Variants in RAB4A observed in about 807,000 individuals in gnomAD.
RAB4A encodes RAB4A, member RAS oncogene family.
RAB4A carries 20 observed loss-of-function variants against 34.5 expected under a neutral mutation model. That is an observed-to-expected ratio of 0.58 (90% CI 0.41 to 0.84). The LOEUF (loss-of-function observed/expected upper bound fraction) is 0.84. Ranked by LOEUF, RAB4A falls within the 40% of genes least tolerant of loss-of-function variation. The pLI is 0.00. For synonymous variants in RAB4A, 102 were observed against 100.0 expected (o/e 1.02, Z -0.12); for missense variants, 228 against 274.5 (o/e 0.83, Z 1.20).
chr1:229,281,113 C>G (rs987183727), intron 1 of RAB4A, among the ~76,000 whole-genome samples: 1 of 152,072 alleles, frequency 6.6e-6, no homozygotes, highest in Non-Finnish European at 1.5e-5. Context: ...TTATATGACT[C>G]AAAGTCTTCA....
intron 1 of RAB4A, among the ~76,000 whole-genome samples, chr1:229,280,255 A>G (rs891404179): frequency 3.3e-5 from 5 of 152,250 alleles, no homozygotes; most frequent in Non-Finnish European, 2.9e-5. Flanking sequence ...CTGAGAGAAC[A>G]TGATGCATTC....
At position 229,274,439 on chromosome 1, in the gene RAB4A, T is replaced by C. The variant is rs77855030; in HGVS notation, c.31+3069T>C. Among the ~76,000 whole-genome samples, 272 of 152,322 alleles carry C rather than the reference T, an allele frequency of 1.8e-3. 8 individuals carry two copies. The East Asian group carries it at 0.043, about 24-fold the overall frequency. On this transcript the variant is annotated intron_variant, in intron 1 of 7. Coordinates refer to ENST00000366690, the MANE Select transcript of RAB4A (RefSeq NM_004578.4). ...GCTTTTTAACATATTAAAACAGTAT[T>C]TCACCTTCCATAGACTGAGTAGTGT...
Position 229,276,737 on chromosome 1 carries a change from A to C in RAB4A, c.31+5367A>C, listed in dbSNP as rs190363833. Among the ~76,000 whole-genome samples, 48 of 151,498 alleles carry C rather than the reference A, an allele frequency of 3.2e-4. 3 individuals carry two copies. The highest frequency in any genetic ancestry group is 2.9e-3 in the East Asian group (15 of 5,182). On this transcript the variant is annotated intron_variant, in intron 1 of 7. Coordinates refer to ENST00000366690, the MANE Select transcript of RAB4A (RefSeq NM_004578.4). The stretch of plus-strand genomic sequence containing the variant: ...GGTTTAAGTTACTGTTTACCCTGAA[A>C]GATGCAAAGGAAAGTTAAATTAGGG...
chr1:229,281,268 G>A (rs2102838068), intron 1 of RAB4A, among the ~76,000 whole-genome samples: 1 of 151,974 alleles, frequency 6.6e-6, no homozygotes, highest in East Asian at 1.9e-4. Flanking sequence ...TGTCTGTTTG[G>A]CCTTTTAATT....
intron 1 of RAB4A, among the ~76,000 whole-genome samples, chr1:229,279,927 C>T (rs900034129): frequency 6.6e-6 from 1 of 152,298 alleles, no homozygotes; most frequent in Admixed American, 6.5e-5. Flanking sequence ...TTTAAGTGGG[C>T]ACAATTATTT....
intron 3 of RAB4A, 128 bp from the exon 4 acceptor site, chr1:229,295,720 C>G (rs926000178): frequency 1.2e-6 from 1 of 804,630 alleles, no homozygotes; most frequent in Non-Finnish European, 2.1e-6. Context: ...TGAATCATTT[C>G]TCTTTTAAAC....
intron 6 of RAB4A, among the ~76,000 whole-genome samples, chr1:229,301,208 G>A (rs1391364394): frequency 6.6e-6 from 1 of 152,134 alleles, no homozygotes; most frequent in East Asian, 1.9e-4. Context: ...GCACAGGCTG[G>A]CACTGTAGGG....
At chr1:229,295,180 G>T (rs1657207444) in intron 3 of RAB4A, among the ~76,000 whole-genome samples, 1 of 151,914 alleles carries the variant, frequency 6.6e-6, no homozygotes, top group African/African-American at 2.4e-5. Context: ...TCAAACTCCT[G>T]GCCTCAAGCA....
At chr1:229,302,295 ATATATATATATATATTTTTTT>A (rs1357490376) in intron 6 of RAB4A, among the ~76,000 whole-genome samples, 11 of 25,200 alleles carry the variant, frequency 4.4e-4, no homozygotes, top group African/African-American at 2.2e-3. Flanking sequence ...ATATATATAT[ATATATATATATATATTTTTTT>A]TTTTTTTTTA....
chr1:229,288,525 CT>C (rs1216876698), intron 2 of RAB4A, among the ~76,000 whole-genome samples: 1 of 152,130 alleles, frequency 6.6e-6, no homozygotes, highest in Non-Finnish European at 1.5e-5. Context: ...TGAGAAAAAT[CT>C]TTATGTCTCT....
intron 1 of RAB4A, among the ~76,000 whole-genome samples, chr1:229,273,196 C>T (rs934562217): frequency 6.6e-6 from 1 of 152,228 alleles, no homozygotes; most frequent in South Asian, 2.1e-4. Flanking sequence ...GGAGATAGAG[C>T]TTTTATGTTT....
At chr1:229,273,424 C>T (rs962675166) in intron 1 of RAB4A, among the ~76,000 whole-genome samples, 2 of 152,108 alleles carry the variant, frequency 1.3e-5, no homozygotes, top group South Asian at 2.1e-4. Flanking sequence ...GGAAATTAAT[C>T]GAAAACTAGT....
chr1:229,298,121 C>T (rs1010860135), intron 5 of RAB4A, among the ~76,000 whole-genome samples: 1 of 152,032 alleles, frequency 6.6e-6, no homozygotes, highest in African/African-American at 2.4e-5. Context: ...ATGAAAATGC[C>T]ACATAAAATT....
At chr1:229,286,714 G>A in intron 2 of RAB4A, 148 bp downstream of exon 2, 1 of 546,308 alleles carries the variant, frequency 1.8e-6, no homozygotes, top group Non-Finnish European at 3.2e-6. Context: ...AACTTTGGGT[G>A]ATGTGATTTT....
chr1:229,298,864 G>T, intron 5 of RAB4A, 113 bp from the exon 6 acceptor site: 1 of 737,436 alleles, frequency 1.4e-6, no homozygotes, highest in Non-Finnish European at 2.4e-6. Context: ...ATGGTTTTAG[G>T]TCATAAATTA....
At chr1:229,281,819 TATATATATA>T (rs1656785978) in intron 1 of RAB4A, among the ~76,000 whole-genome samples, 1 of 1,834 alleles carries the variant, frequency 5.5e-4, no homozygotes, top group East Asian at 0.05. Flanking sequence ...ATCATAGTTA[TATATATATA>T]TATATATATA....
intron 5 of RAB4A, 70 bp from the exon 6 acceptor site, chr1:229,298,907 C>T: frequency 1.8e-6 from 2 of 1,118,546 alleles, no homozygotes; most frequent in Non-Finnish European, 2.7e-6. Flanking sequence ...GAATGCTACA[C>T]AGGCTTTTGT....
chr1:229,301,983 A>G (rs985595928), intron 6 of RAB4A, among the ~76,000 whole-genome samples: 5 of 151,918 alleles, frequency 3.3e-5, no homozygotes, highest in East Asian at 1.9e-4. Flanking sequence ...TTAATTGCCA[A>G]CATTGCCACT....
At chr1:229,299,821 TGTA>T (rs1657335859) in intron 6 of RAB4A, among the ~76,000 whole-genome samples, 2 of 152,042 alleles carry the variant, frequency 1.3e-5, no homozygotes, top group African/African-American at 4.8e-5. Context: ...ACAAGGCTGA[TGTA>T]GTAGCTGAGA....
Sources: gnomAD v4.1 joint callset for allele counts (sites outside exome capture counted in the v4.1 genomes callset) on GRCh38, gnomAD v4.1.1 for gene constraint, MANE v1.5 for transcripts, NCBI Gene and HGNC (gene_info 2026-07-23, HGNC 2026-07-21) for gene names.